The following SRGAP3 variants were observed in gnomAD, a reference collection of about 807,000 sequenced individuals.
The protein encoded by SRGAP3 is SLIT-ROBO Rho GTPase-activating protein 3.
A neutral mutation model predicts 121.1 loss-of-function variants in SRGAP3; 39 were observed. The ratio of observed to expected loss-of-function variants is 0.32; its 90% confidence interval spans 0.25 to 0.42. The LOEUF is 0.42. Ranked by LOEUF, SRGAP3 falls within the 10% of genes least tolerant of loss-of-function variation. The probability of loss-of-function intolerance (pLI) is 1.00; values close to 1 mark genes in which losing one functional copy is unlikely to be tolerated. For synonymous variants in SRGAP3, 601 were observed against 570.0 expected (o/e 1.05, Z -0.77); for missense variants, 1,213 against 1,470.6 (o/e 0.82, Z 2.86).
At chr3:9,355,239 C>T (rs1159490424) in intron 1 of SRGAP3, among the ~76,000 whole-genome samples, 2 of 152,184 alleles carry the variant, frequency 1.3e-5, no homozygotes, top group African/African-American at 4.8e-5. Context: ...CAGTTCTCAC[C>T]ACACCCACCC....
chr3:9,310,099 A>C (rs1955217613), intron 3 of SRGAP3, among the ~76,000 whole-genome samples: 1 of 152,168 alleles, frequency 6.6e-6, no homozygotes, highest in Non-Finnish European at 1.5e-5. Context: ...AAAACCGAGG[A>C]CGAGAAAAGT....
chr3:9,159,178 A>G (rs771927924), intron 1 of SRGAP3, among the ~76,000 whole-genome samples: 4 of 151,748 alleles, frequency 2.6e-5, no homozygotes, highest in Non-Finnish European at 4.4e-5. Context: ...CTATCCCAAG[A>G]ACCCTCCCCA....
At chr3:9,354,475 C>T (rs965668245) in intron 1 of SRGAP3, among the ~76,000 whole-genome samples, 1 of 151,840 alleles carries the variant, frequency 6.6e-6, no homozygotes, top group African/African-American at 2.4e-5. Flanking sequence ...GTTAGGAGAT[C>T]GAAACCATCC....
intron 10 of SRGAP3, among the ~76,000 whole-genome samples, chr3:9,045,931 C>A (rs970499769): frequency 2.6e-5 from 4 of 152,124 alleles, no homozygotes; most frequent in Admixed American, 1.3e-4. Flanking sequence ...GGCACCCACA[C>A]CCTGAGCTCC....
At chr3:9,151,143 G>A (rs1950195501) in intron 1 of SRGAP3, among the ~76,000 whole-genome samples, 1 of 152,216 alleles carries the variant, frequency 6.6e-6, no homozygotes, top group South Asian at 2.1e-4. Context: ...GTGGCAAAGA[G>A]ATTCAAATGG....
chr3:9,221,130 G>A (rs964946578), intron 1 of SRGAP3, among the ~76,000 whole-genome samples: 2 of 152,118 alleles, frequency 1.3e-5, no homozygotes, highest in Admixed American at 6.5e-5. Context: ...CCTTCCCCCA[G>A]GAACAGCAGT....
chr3:8,997,876 AGGTTTTTT>A (rs1333336808), intron 18 of SRGAP3, among the ~76,000 whole-genome samples: 1 of 91,786 alleles, frequency 1.1e-5, no homozygotes, highest in East Asian at 2.3e-4. Flanking sequence ...ATATTCATAG[AGGTTTTTT>A]TTTTTCTTTT....
At chr3:9,028,200 T>C in intron 12 of SRGAP3, 1 of 1,598,346 alleles carries the variant, frequency 6.3e-7, no homozygotes, top group Non-Finnish European at 8.6e-7. Context: ...TAAGATCAGT[T>C]AGAGTAAGCA....
intron 14 of SRGAP3, among the ~76,000 whole-genome samples, chr3:9,021,964 C>T (rs1049917307): frequency 6.6e-6 from 1 of 152,130 alleles, no homozygotes; most frequent in Admixed American, 6.5e-5. Context: ...ATCCCAGCTA[C>T]TTGGTGGATG....
intron 12 of SRGAP3, 32 bp downstream of exon 12, chr3:9,032,618 A>G (rs781553842): frequency 1.3e-5 from 21 of 1,598,136 alleles, no homozygotes; most frequent in Non-Finnish European, 1.8e-5. Flanking sequence ...CATTGGGTGC[A>G]TTCGCGGACT....
intron 20 of SRGAP3, among the ~76,000 whole-genome samples, chr3:8,991,600 G>A (rs774743340): frequency 6.6e-5 from 10 of 152,172 alleles, no homozygotes; most frequent in Non-Finnish European, 1.5e-4. Context: ...GCGGGTTTAA[G>A]CAAGATCCTT....
intron 1 of SRGAP3, among the ~76,000 whole-genome samples, chr3:9,338,850 C>T (rs1479888215): frequency 6.6e-6 from 1 of 152,186 alleles, no homozygotes; most frequent in Non-Finnish European, 1.5e-5. Context: ...ACATGCCAAA[C>T]CAATGGCACG....
chr3:9,307,444 C>A (rs1263137339), intron 3 of SRGAP3, among the ~76,000 whole-genome samples: 5 of 152,188 alleles, frequency 3.3e-5, no homozygotes, highest in Non-Finnish European at 7.3e-5. Flanking sequence ...TGGTTACACA[C>A]AATGTGACTG....
At chr3:9,331,768 C>T (rs1955611368) in intron 1 of SRGAP3, among the ~76,000 whole-genome samples, 1 of 152,146 alleles carries the variant, frequency 6.6e-6, no homozygotes, top group East Asian at 1.9e-4. Context: ...ATGGTGTAAA[C>T]AAGCCTAAAA....
At chr3:9,329,136 A>G (rs949397032) in intron 2 of SRGAP3, among the ~76,000 whole-genome samples, 3 of 152,234 alleles carry the variant, frequency 2.0e-5, no homozygotes, top group Non-Finnish European at 2.9e-5. Flanking sequence ...AAATGAATTC[A>G]TCGCACAAAA....
chr3:9,174,224 T>C (rs1456588564), intron 1 of SRGAP3, among the ~76,000 whole-genome samples: 2 of 152,202 alleles, frequency 1.3e-5, no homozygotes, highest in Non-Finnish European at 2.9e-5. Context: ...TTTGTACAGT[T>C]TCAGTTTTTC....
intron 4 of SRGAP3, among the ~76,000 whole-genome samples, chr3:9,066,097 C>G (rs985606259): frequency 1.3e-5 from 2 of 152,176 alleles, no homozygotes; most frequent in African/African-American, 2.4e-5. Context: ...CCACACCCAG[C>G]CCTTAATGAA....
At chr3:9,015,173 G>A (rs944194151) in intron 15 of SRGAP3, among the ~76,000 whole-genome samples, 1 of 152,042 alleles carries the variant, frequency 6.6e-6, no homozygotes, top group African/African-American at 2.4e-5. Flanking sequence ...ATGTCTGCAA[G>A]GCATTCAAGG....
intron 1 of SRGAP3, among the ~76,000 whole-genome samples, chr3:9,351,538 A>T (rs557973454): frequency 6.6e-6 from 1 of 152,238 alleles, no homozygotes; most frequent in East Asian, 1.9e-4. Context: ...ATTGAACCCC[A>T]TATTCCCTCC....
Sources: allele counts gnomAD v4.1 joint callset (sites outside exome capture counted in the v4.1 genomes callset), GRCh38; gene constraint gnomAD v4.1.1; transcripts MANE v1.5; gene names NCBI Gene and HGNC (gene_info 2026-07-23, HGNC 2026-07-21).